The following JARID2 variants were observed in gnomAD, a reference collection of about 807,000 sequenced individuals.
JARID2 encodes the protein jumonji and AT-rich interaction domain containing 2.
A neutral mutation model predicts 125.6 loss-of-function variants in JARID2; 21 were observed. That is an observed-to-expected ratio of 0.17 (90% CI 0.12 to 0.24). The LOEUF (loss-of-function observed/expected upper bound fraction) is 0.24, where lower values mean the gene tolerates loss of function less well. JARID2 is among the 10% of genes least tolerant of loss of function. JARID2 has a pLI of 1.00. For synonymous variants in JARID2, 736 were observed against 661.6 expected, an observed-to-expected ratio of 1.11 and a Z score of -1.73; for missense variants, 1,303 against 1,639.6, an observed-to-expected ratio of 0.79 and a Z score of 3.55.
At chr6:15,313,396 A>T (rs555381832) in intron 1 of JARID2, among the ~76,000 whole-genome samples, 77 of 152,274 alleles carry the variant, frequency 5.1e-4, no homozygotes, top group Admixed American at 1.5e-3. Context: ...TAGTCACTAC[A>T]TATCCCAGCT....
intron 2 of JARID2, among the ~76,000 whole-genome samples, chr6:15,399,946 G>C (rs1765360727): frequency 6.6e-6 from 1 of 152,148 alleles, no homozygotes; most frequent in Admixed American, 6.5e-5. Flanking sequence ...TCAAAGAAAG[G>C]CTTCAAGAAA....
chr6:15,274,430 A>G (rs1481624219), intron 1 of JARID2, among the ~76,000 whole-genome samples: 1 of 152,236 alleles, frequency 6.6e-6, no homozygotes, highest in Non-Finnish European at 1.5e-5. Context: ...AAACATTTAT[A>G]TGCATTATTT....
intron 3 of JARID2, among the ~76,000 whole-genome samples, chr6:15,448,638 CACA>C (rs1171348471): frequency 6.6e-6 from 1 of 152,130 alleles, no homozygotes; most frequent in Non-Finnish European, 1.5e-5. Context: ...CTAAATATGG[CACA>C]ACATTTCCTT....
chr6:15,256,710 C>G (rs1041054341), intron 1 of JARID2, among the ~76,000 whole-genome samples: 2 of 152,192 alleles, frequency 1.3e-5, no homozygotes, highest in African/African-American at 4.8e-5. Context: ...CTGTTCACCC[C>G]GTCTGGCAGA....
At chr6:15,249,969 A>G (rs764716405) in intron 1 of JARID2, among the ~76,000 whole-genome samples, 161 of 152,206 alleles carry the variant, frequency 1.1e-3, no homozygotes, top group Non-Finnish European at 2.2e-3. Flanking sequence ...CGTTTCCATC[A>G]TTCCACTGCC....
rs765195461 is a variant in JARID2, at chr6:15,496,592, C to T, written c.1367C>T (p.Pro456Leu). The change falls in exon 7 of 18, where the codon CCC becomes CTC. Residue 456 changes from proline (P) to leucine (L), a missense_variant. By Grantham distance (98) the Pro-to-Leu change is moderately conservative. Around this residue, in one of 11 missense-constraint regions of JARID2, gnomAD observed 651 missense variants for 581.6 expected, o/e 1.12. Transcript: ENST00000341776. ...CACCAGGCGGAGAAGCCGCAGTCGC[C>T]CCCCAAGAAGATGAAAGGGGCGGCT... is the stretch of plus-strand genomic sequence containing the variant. ...EAHQAEKPQSPPKKMKGAAGP... is the reference protein window; with the variant it reads ...EAHQAEKPQSLPKKMKGAAGP... 6.2e-7 allele frequency: 1 copy of T among 1,602,648 alleles called. No individual in the cohort carries two copies. The highest frequency in any genetic ancestry group is 1.1e-5 in the South Asian group (1 of 90,118).
chr6:15,468,809 G>C, intron 5 of JARID2, 91 bp downstream of exon 5: 575 of 1,169,526 alleles, frequency 4.9e-4, no homozygotes, highest in Non-Finnish European at 6.3e-4. Context: ...ATGAGATGAA[G>C]GCAAAGCTCG....
intron 1 of JARID2, among the ~76,000 whole-genome samples, chr6:15,292,118 G>A (rs190416615): frequency 5.3e-5 from 8 of 152,072 alleles, no homozygotes; most frequent in African/African-American, 1.4e-4. Context: ...CCGGGTTCAC[G>A]CCATTCTCCT....
chr6:15,283,630 C>CCA (rs1362367066), intron 1 of JARID2, among the ~76,000 whole-genome samples: 1 of 152,052 alleles, frequency 6.6e-6, no homozygotes, highest in Non-Finnish European at 1.5e-5. Flanking sequence ...GCGTGAGCCA[C>CCA]CGTGCCCGGC....
intron 2 of JARID2, among the ~76,000 whole-genome samples, chr6:15,386,522 G>A (rs973130017): frequency 2.6e-5 from 4 of 152,262 alleles, no homozygotes; most frequent in Admixed American, 6.5e-5. Flanking sequence ...ACAGAGTCTT[G>A]GTCTGCCACC....
intron 2 of JARID2, among the ~76,000 whole-genome samples, chr6:15,381,273 C>G (rs1176127651): frequency 7.1e-6 from 1 of 140,766 alleles, no homozygotes; most frequent in Non-Finnish European, 1.5e-5. Context: ...ACCTGGGATG[C>G]GGAGCTTGCA....
intron 12 of JARID2, chr6:15,509,115 TCTGA>T: frequency 7.8e-7 from 1 of 1,289,102 alleles, no homozygotes; most frequent in Non-Finnish European, 1.0e-6. Context: ...CCGCCTGTAA[TCTGA>T]CTCTCACTGT....
intron 12 of JARID2, chr6:15,509,248 C>T: frequency 5.8e-6 from 7 of 1,204,068 alleles, no homozygotes; most frequent in Non-Finnish European, 7.4e-6. Flanking sequence ...GAAATGACTA[C>T]AAATAATCAG....
At chr6:15,494,800 C>T (rs1432202612) in intron 6 of JARID2, among the ~76,000 whole-genome samples, 1 of 152,286 alleles carries the variant, frequency 6.6e-6, no homozygotes, top group East Asian at 1.9e-4. Flanking sequence ...TGGGGACCTT[C>T]GTCCCCATGT....
At chr6:15,321,783 GTTTTTTTTTTTTTTT>G (rs71687714) in intron 1 of JARID2, among the ~76,000 whole-genome samples, 6 of 68,474 alleles carry the variant, frequency 8.8e-5, no homozygotes, top group East Asian at 1.0e-3. Flanking sequence ...AAGAATTCTT[GTTTTTTTTTTTTTTT>G]TTTTTTTTTT....
At chr6:15,366,064 A>G (rs889512977) in intron 1 of JARID2, among the ~76,000 whole-genome samples, 1 of 152,024 alleles carries the variant, frequency 6.6e-6, no homozygotes, top group Non-Finnish European at 1.5e-5. Flanking sequence ...GTTTACACTT[A>G]ATCTGTGGGA....
rs376393228 is a variant in JARID2 at position 15,489,059 on chromosome 6, A to C, written c.906+1517A>C. On this transcript the variant is annotated intron_variant, in intron 6 of 17. Transcript: ENST00000341776. ...GATGGAGAATTGTACAGAACTCTCC[A>C]ATGTGTAAGGTTTTTGCTCATGAAA... Among the ~76,000 whole-genome samples the C allele has an allele frequency of 2.0e-5, 3 of 152,160 alleles. No homozygotes were observed. The East Asian group carries it at 5.8e-4, about 29-fold the overall frequency.
At chr6:15,257,162 G>T (rs907688299) in intron 1 of JARID2, among the ~76,000 whole-genome samples, 3 of 152,112 alleles carry the variant, frequency 2.0e-5, no homozygotes, top group African/African-American at 7.2e-5. Context: ...TTTTCAGGGG[G>T]ATTTTCAGTT....
intron 1 of JARID2, among the ~76,000 whole-genome samples, chr6:15,318,128 T>C (rs1489663090): frequency 6.6e-6 from 1 of 152,142 alleles, no homozygotes; most frequent in Non-Finnish European, 1.5e-5. Flanking sequence ...GAGAATCACT[T>C]GAAACCTGGA....
Sources: allele counts gnomAD v4.1 joint callset (sites outside exome capture counted in the v4.1 genomes callset), GRCh38; gene constraint gnomAD v4.1.1; regional missense constraint gnomAD v4.1.1; transcripts MANE v1.5; gene names NCBI Gene and HGNC (gene_info 2026-07-23, HGNC 2026-07-21).